C13orf46: variants seen among roughly 807,000 people sequenced by gnomAD.
C13orf46 encodes the protein uncharacterized protein C13orf46.
chr13:113,948,463 G>A, the C13orf46 span, among the ~76,000 whole-genome samples: 2 of 152,352 alleles, frequency 1.3e-5, no homozygotes, highest in Non-Finnish European at 2.9e-5. Context: ...TTCAGTGCCT[G>A]GGACCCTGTG....
At chr13:113,943,993 C>T in the C13orf46 span, among the ~76,000 whole-genome samples, 1 of 152,324 alleles carries the variant, frequency 6.6e-6, no homozygotes, top group Middle Eastern at 3.4e-3. Context: ...GGCTCGGGAC[C>T]TTCAGTATCC....
intron 5 of C13orf46, among the ~76,000 whole-genome samples, chr13:113,965,755 G>T (rs1210838893): frequency 3.1e-5 from 1 of 32,484 alleles, no homozygotes; most frequent in Non-Finnish European, 5.5e-5. Context: ...GGTGATGATG[G>T]TGATGGTGAT....
At chr13:113,964,603 C>G (rs1383526802) in intron 6 of C13orf46, among the ~76,000 whole-genome samples, 5 of 152,242 alleles carry the variant, frequency 3.3e-5, no homozygotes, top group Admixed American at 3.3e-4. Context: ...CTCCCCCCTC[C>G]TTCCTCCCTA....
rs2052532338 is a variant in C13orf46 at position 113,956,254 on chromosome 13, AGAG to A, written c.*516_*518del. Reference sequence around the variant, plus strand: ...CGAGGAGACGAGGAGCATCTCGACGAGAGGAGGAACATCCGGTGGAGAGGAGGA... The same window carrying A: ...CGAGGAGACGAGGAGCATCTCGACGAGAGGAACATCCGGTGGAGAGGAGGA... On this transcript the variant is annotated 3_prime_UTR_variant, in exon 7 of 7. Transcript: ENST00000636427. 6.5e-6 allele frequency: 1 copy of A among 154,402 alleles called. No individual in the cohort carries two copies. Among genetic ancestry groups the A allele is most frequent in the East Asian group, 1.9e-4 (1 of 5,140 alleles). The allele number at this position is 154,402 out of a possible 1,614,324, so 9.6% of individuals were successfully genotyped here.
chr13:113,950,812 G>C (rs992340937), downstream of C13orf46, among the ~76,000 whole-genome samples: 11 of 152,306 alleles, frequency 7.2e-5, no homozygotes, highest in Middle Eastern at 0.01. Context: ...TCCAGGGCAC[G>C]GGAGTCCTGC....
At chr13:113,953,038 G>A (rs924004784), downstream of C13orf46, among the ~76,000 whole-genome samples, 37 of 152,218 alleles carry the variant, frequency 2.4e-4, no homozygotes, top group Non-Finnish European at 4.7e-4. Flanking sequence ...CTAAGACGGG[G>A]CTTGGCCTCA....
Position 113,967,333 on chromosome 13 carries a change from A to G in C13orf46, c.504+8T>C, listed in dbSNP as rs2052659715. The stretch of plus-strand genomic sequence containing the variant: ...GGCTCTGCTTGTCTTGCGGTTTTCC[A>G]TTTTTACCTCCTCAGCATGGTCTCC... On this transcript the variant is annotated splice_region_variant and intron_variant, in intron 5 of 6. Transcript: ENST00000636427. 2.0e-5 allele frequency: 3 copies of G among 152,140 alleles called. No individual in the cohort carries two copies. The East Asian group carries it at 5.8e-4, about 29-fold the overall frequency. 9.4% of individuals were successfully genotyped at this position (152,140 alleles called of 1,614,324 possible).
chr13:113,969,381 C>T (rs2081737234), intron 2 of C13orf46, among the ~76,000 whole-genome samples: 2 of 152,264 alleles, frequency 1.3e-5, no homozygotes, highest in African/African-American at 2.4e-5. Context: ...CTTCCCAGCT[C>T]AACTGCCCTC....
At chr13:113,934,496 C>T in the C13orf46 span, among the ~76,000 whole-genome samples, 164 of 152,308 alleles carry the variant, frequency 1.1e-3, 1 homozygote, top group Non-Finnish European at 1.9e-3. Flanking sequence ...TTAAAAATCA[C>T]TTTCAAATAA....
At chr13:113,958,107 T>TG (rs1475099987) in intron 6 of C13orf46, among the ~76,000 whole-genome samples, 1 of 137,124 alleles carries the variant, frequency 7.3e-6, no homozygotes, top group African/African-American at 2.8e-5. Flanking sequence ...TCAAGCACAC[T>TG]GGGGGTCTCC....
chr13:113,942,483 C>G, the C13orf46 span, among the ~76,000 whole-genome samples: 1 of 152,198 alleles, frequency 6.6e-6, no homozygotes, highest in Non-Finnish European at 1.5e-5. Context: ...GACCAGGAGA[C>G]TCGGCAGACA....
At chr13:113,927,832 G>A in the C13orf46 span, 1 of 386,868 alleles carries the variant, frequency 2.6e-6, no homozygotes, top group African/African-American at 2.1e-5. Flanking sequence ...GGACCAACGT[G>A]CTTTCCATGT....
At chr13:113,932,590 T>C in the C13orf46 span, among the ~76,000 whole-genome samples, 1 of 152,392 alleles carries the variant, frequency 6.6e-6, no homozygotes, top group Middle Eastern at 3.4e-3. Flanking sequence ...CTCATTATTG[T>C]GTTGAAAGGC....
rs979940375 is a variant in C13orf46, at chr13:113,965,839, G to A, written c.505-845C>T. Among the ~76,000 whole-genome samples, 44 of 137,034 alleles carry A rather than the reference G, an allele frequency of 3.2e-4. 1 individual carries two copies. Among genetic ancestry groups the A allele is most frequent in the Admixed American group, 2.6e-3 (37 of 14,262 alleles). 89.9% of individuals were successfully genotyped at this position (137,034 alleles called of 152,430 possible). ...GGTGATGATGGTGATAATGGTGATGGTGATGATGGTGATGGTGGTGATGAT... is the reference window on the plus strand; with the variant it reads ...GGTGATGATGGTGATAATGGTGATGATGATGATGGTGATGGTGGTGATGAT... On this transcript the variant is annotated intron_variant, in intron 5 of 6. Transcript: ENST00000636427.
At chr13:113,952,032 A>G (rs2052491056), downstream of C13orf46, among the ~76,000 whole-genome samples, 1 of 152,236 alleles carries the variant, frequency 6.6e-6, no homozygotes, top group South Asian at 2.1e-4. Context: ...AAAACTCTGG[A>G]AAGAACACAC....
the C13orf46 span, among the ~76,000 whole-genome samples, chr13:113,948,010 T>C: frequency 8.2e-4 from 125 of 152,382 alleles, no homozygotes; most frequent in African/African-American, 2.9e-3. Flanking sequence ...ATCGGGGCCA[T>C]GGAGCGGGGC....
the C13orf46 span, chr13:113,928,526 G>A: frequency 6.6e-6 from 1 of 152,532 alleles, no homozygotes; most frequent in Admixed American, 6.5e-5. Flanking sequence ...CAGGTTCCCA[G>A]GGACTGCAAG....
Position 113,960,615 on chromosome 13 carries a change from G to A in C13orf46, c.573-3776C>T, listed in dbSNP as rs891457252. Among the ~76,000 whole-genome samples, 9 of 152,292 alleles carry A rather than the reference G, an allele frequency of 5.9e-5. 1 individual carries two copies. The highest frequency in any genetic ancestry group is 3.4e-3 in the Middle Eastern group (1 of 294). Reference sequence around the variant, plus strand: ...TTAAGCAACGTTTTCCTTAAGTGCAGCTTCAATTTATACACTTGGCTTTTC... The same window carrying A: ...TTAAGCAACGTTTTCCTTAAGTGCAACTTCAATTTATACACTTGGCTTTTC... On this transcript the variant is annotated intron_variant, in intron 6 of 6. Coordinates refer to ENST00000636427, the MANE Select transcript of C13orf46 (RefSeq NM_001365455.2).
intron 5 of C13orf46, among the ~76,000 whole-genome samples, chr13:113,965,466 T>C (rs1379538036): frequency 6.6e-6 from 1 of 152,194 alleles, no homozygotes; most frequent in Non-Finnish European, 1.5e-5. Context: ...CCCCAGATGT[T>C]AGTGTTGGAA....
Sources: allele counts gnomAD v4.1 joint callset (sites outside exome capture counted in the v4.1 genomes callset), GRCh38; gene constraint gnomAD v4.1.1; transcripts MANE v1.5; gene names NCBI Gene and HGNC (gene_info 2026-07-23, HGNC 2026-07-21).